PXDNL: variants seen among roughly 807,000 people sequenced by gnomAD.
PXDNL encodes the protein probable oxidoreductase PXDNL.
In PXDNL, 145 loss-of-function variants were observed where a neutral mutation model predicts 150.8. That is an observed-to-expected ratio of 0.96 (90% CI 0.84 to 1.10). The LOEUF (loss-of-function observed/expected upper bound fraction) is 1.10, where lower values mean the gene tolerates loss of function less well. Ranked by LOEUF, PXDNL falls within the 50% of genes least tolerant of loss-of-function variation. The pLI is 0.00. For synonymous variants in PXDNL, 757 were observed against 725.7 expected (o/e 1.04, Z -0.69); for missense variants, 2,087 against 1,873.9 (o/e 1.11, Z -2.10).
At chr8:51,703,635 C>T (rs10111115) in intron 1 of PXDNL, among the ~76,000 whole-genome samples, 101,739 of 152,004 alleles carry the variant, frequency 0.67, 35,149 homozygotes, top group East Asian at 0.81. Flanking sequence ...GACCCAGCCT[C>T]GCTGAGCCAC....
chr8:51,412,622 G>A (rs1019728589), intron 15 of PXDNL, among the ~76,000 whole-genome samples: 1 of 152,142 alleles, frequency 6.6e-6, no homozygotes, highest in Admixed American at 6.5e-5. Context: ...TACTTTATCC[G>A]ATTATGATGA....
At chr8:51,742,138 T>C (rs928480771) in intron 1 of PXDNL, among the ~76,000 whole-genome samples, 3 of 152,174 alleles carry the variant, frequency 2.0e-5, no homozygotes, top group African/African-American at 7.2e-5. Context: ...GAAAAGCCCA[T>C]CTAAAATGTT....
intron 3 of PXDNL, among the ~76,000 whole-genome samples, chr8:51,576,198 CAA>C (rs35166901): frequency 1.7e-4 from 19 of 109,304 alleles, no homozygotes; most frequent in African/African-American, 2.4e-4. Flanking sequence ...AACACTGCTC[CAA>C]AAAAAAAAAA....
intron 4 of PXDNL, among the ~76,000 whole-genome samples, chr8:51,545,267 T>C (rs1325752099): frequency 6.6e-6 from 1 of 152,224 alleles, no homozygotes; most frequent in Admixed American, 6.5e-5. Context: ...GTAAATACGT[T>C]TGATGAAAAA....
At chr8:51,582,130 T>C (rs1332194128) in intron 3 of PXDNL, among the ~76,000 whole-genome samples, 2 of 152,206 alleles carry the variant, frequency 1.3e-5, no homozygotes, top group African/African-American at 2.4e-5. Context: ...TAACCTCAAA[T>C]GTGAGTATAT....
chr8:51,487,886 A>G (rs1028398170), intron 5 of PXDNL, among the ~76,000 whole-genome samples: 3 of 152,192 alleles, frequency 2.0e-5, no homozygotes, highest in Non-Finnish European at 4.4e-5. Flanking sequence ...GCTTTTGTCA[A>G]ATCATAACAA....
intron 2 of PXDNL, among the ~76,000 whole-genome samples, chr8:51,619,933 T>C (rs1156796256): frequency 1.3e-5 from 2 of 152,174 alleles, no homozygotes; most frequent in African/African-American, 4.8e-5. Flanking sequence ...GCTGTTTCTC[T>C]ATATTTGGAG....
Position 51,595,798 on chromosome 8 carries a change from AC to A in PXDNL, c.237-3101del, listed in dbSNP as rs906487912. Among the ~76,000 whole-genome samples, 3 of 150,526 alleles carry A rather than the reference AC, an allele frequency of 2.0e-5. No homozygotes were observed. The East Asian group carries it at 5.8e-4, about 29-fold the overall frequency. On this transcript the variant is annotated intron_variant, in intron 2 of 22. Transcript: ENST00000356297. ...AAAAATATTTATGTGATCATAAACA[AC>A]GCATAAATCATTTGCAGTTCAAAAC...
chr8:51,499,370 A>C (rs2195762), intron 5 of PXDNL, among the ~76,000 whole-genome samples: 3 of 151,928 alleles, frequency 2.0e-5, no homozygotes, highest in Non-Finnish European at 4.4e-5. Context: ...AACTCAGGTG[A>C]TCCGCCCACC....
At chr8:51,620,620 T>G (rs544627328) in intron 2 of PXDNL, among the ~76,000 whole-genome samples, 1 of 152,084 alleles carries the variant, frequency 6.6e-6, no homozygotes, top group East Asian at 1.9e-4. Flanking sequence ...CTCGGCTCAC[T>G]GCAACCTCCG....
At chr8:51,496,271 G>A (rs1678640632) in intron 5 of PXDNL, among the ~76,000 whole-genome samples, 1 of 152,110 alleles carries the variant, frequency 6.6e-6, no homozygotes, top group Non-Finnish European at 1.5e-5. Flanking sequence ...GTATTGATGA[G>A]ATGTATCTCA....
At chr8:51,411,435 T>C in intron 15 of PXDNL, 28 bp from the exon 16 acceptor site, 1 of 1,546,728 alleles carries the variant, frequency 6.5e-7, no homozygotes, top group Non-Finnish European at 8.7e-7. Flanking sequence ...CATGATTCTT[T>C]ACAAGGCAAA....
intron 1 of PXDNL, among the ~76,000 whole-genome samples, chr8:51,803,199 G>A (rs1345070465): frequency 2.0e-5 from 3 of 152,174 alleles, no homozygotes; most frequent in African/African-American, 7.2e-5. Context: ...CTGCCTCCCA[G>A]ATAAGGAGGT....
intron 4 of PXDNL, among the ~76,000 whole-genome samples, chr8:51,524,518 C>T (rs1437913084): frequency 6.6e-6 from 1 of 152,086 alleles, no homozygotes; most frequent in Non-Finnish European, 1.5e-5. Context: ...CATCACAAAT[C>T]TCAAAATTTA....
chr8:51,730,193 T>A (rs1330617394), intron 1 of PXDNL, among the ~76,000 whole-genome samples: 4 of 108,090 alleles, frequency 3.7e-5, no homozygotes, highest in Non-Finnish European at 5.9e-5. Context: ...TGACAGGGGG[T>A]AGCTTACAGG....
At chr8:51,336,087 T>A (rs1268766059) in intron 21 of PXDNL, among the ~76,000 whole-genome samples, 1 of 152,140 alleles carries the variant, frequency 6.6e-6, no homozygotes, top group Non-Finnish European at 1.5e-5. Flanking sequence ...TAAGAAATCT[T>A]TAGCTGAAGT....
intron 4 of PXDNL, among the ~76,000 whole-genome samples, chr8:51,540,153 C>T (rs1056777266): frequency 1.3e-5 from 2 of 152,182 alleles, no homozygotes; most frequent in East Asian, 1.9e-4. Flanking sequence ...ACACCTCAGC[C>T]TCCCAAAGTG....
At chr8:51,682,548 T>G (rs1815774699) in intron 1 of PXDNL, among the ~76,000 whole-genome samples, 1 of 152,196 alleles carries the variant, frequency 6.6e-6, no homozygotes, top group Non-Finnish European at 1.5e-5. Context: ...TGTTTGCTGC[T>G]GAATGACTGG....
In PXDNL at chr8:51,409,410, C is replaced by CT. The variant is rs1361966282; in HGVS notation, c.2213dup (p.Gln739AlafsTer282). 1 of 1,611,612 alleles carries CT rather than the reference C, an allele frequency of 6.2e-7. No individual in the cohort carries two copies. The highest frequency in any genetic ancestry group is 8.5e-7 in the Non-Finnish European group (1 of 1,179,382). ...TCAGCGCCGCGCCCCACGTGGGCTG[C>CT]TGCAGGTTGTTGCACGTGCCGTCGT... On this transcript the variant is annotated frameshift_variant, in exon 17 of 23. Transcript: ENST00000356297. LOFTEE classifies it high-confidence loss of function.
Sources: gnomAD v4.1 joint callset for allele counts (sites outside exome capture counted in the v4.1 genomes callset) on GRCh38, gnomAD v4.1.1 for gene constraint, MANE v1.5 for transcripts, NCBI Gene and HGNC (gene_info 2026-07-23, HGNC 2026-07-21) for gene names.